The following MBD3L1 variants were observed in gnomAD, a reference collection of about 807,000 sequenced individuals.
The protein encoded by MBD3L1 is methyl-CpG-binding domain protein 3-like 1.
For synonymous variants in MBD3L1, 84 were observed against 85.1 expected, an observed-to-expected ratio of 0.99 and a Z score of 0.07; for missense variants, 203 against 230.1, an observed-to-expected ratio of 0.88 and a Z score of 0.76.
intron 1 of MBD3L1, among the ~76,000 whole-genome samples, chr19:8,838,280 A>AAAAAAAAAAAAAAAAAAAAAAAC (rs2044476061): frequency 6.7e-6 from 1 of 148,764 alleles, no homozygotes; most frequent in Admixed American, 6.7e-5. Flanking sequence ...AAAAAAAAAA[A>AAAAAAAAAAAAAAAAAAAAAAAC]AAAGATCAGC....
Position 8,832,901 on chromosome 19 carries a change from G to A in MBD3L1, c.-107+379G>A, listed in dbSNP as rs889128736. On this transcript the variant is annotated intron_variant, in intron 1 of 2. Coordinates refer to ENST00000595891, the MANE Select transcript of MBD3L1 (RefSeq NM_001393532.1). ...GGGCCGGGCGGAGGGCGGGGACTAG[G>A]CTGTGGGTGTACCGGTCTTGGAGGG... Among the ~76,000 whole-genome samples, 14 of 152,052 alleles carry A rather than the reference G, an allele frequency of 9.2e-5. 1 individual carries two copies. The highest frequency in any genetic ancestry group is 3.4e-4 in the African/African-American group (14 of 41,474).
intron 1 of MBD3L1, among the ~76,000 whole-genome samples, chr19:8,836,033 A>G (rs964542491): frequency 6.6e-6 from 1 of 152,224 alleles, no homozygotes; most frequent in African/African-American, 2.4e-5. Flanking sequence ...GGGTAATGGT[A>G]TGGATTTCAT....
chr19:8,840,076 TG>T (rs1024042992), intron 1 of MBD3L1, among the ~76,000 whole-genome samples: 4 of 150,384 alleles, frequency 2.7e-5, no homozygotes, highest in African/African-American at 9.8e-5. Context: ...CCCAGCTACT[TG>T]GGAGGCTGAG....
At chr19:8,841,353 C>T (rs891723381) in intron 2 of MBD3L1, among the ~76,000 whole-genome samples, 10 of 151,724 alleles carry the variant, frequency 6.6e-5, no homozygotes, top group African/African-American at 1.9e-4. Flanking sequence ...ATATTGAGGT[C>T]GCAGACCACA....
At chr19:8,835,676 T>C (rs2044447828) in intron 1 of MBD3L1, among the ~76,000 whole-genome samples, 1 of 124,838 alleles carries the variant, frequency 8.0e-6, no homozygotes, top group African/African-American at 2.8e-5. Context: ...ATTTCCAGTA[T>C]ATGCCCAAGA....
intron 1 of MBD3L1, among the ~76,000 whole-genome samples, chr19:8,839,094 CT>C (rs1368775408): frequency 6.6e-6 from 1 of 151,818 alleles, no homozygotes; most frequent in Non-Finnish European, 1.5e-5. Context: ...CCAGTTCGTA[CT>C]TTCCACTGAT....
At chr19:8,835,583 T>C (rs935434685) in intron 1 of MBD3L1, among the ~76,000 whole-genome samples, 12 of 152,202 alleles carry the variant, frequency 7.9e-5, no homozygotes, top group African/African-American at 2.9e-4. Context: ...GCTGTCAGGA[T>C]TGTAAAATGG....
At chr19:8,838,065 GGT>G (rs1427941365) in intron 1 of MBD3L1, among the ~76,000 whole-genome samples, 1 of 151,458 alleles carries the variant, frequency 6.6e-6, no homozygotes, top group African/African-American at 2.4e-5. Context: ...TGGATAACAT[GGT>G]GAAACCCCGT....
At chr19:8,841,218 GA>G (rs2044509331) in intron 2 of MBD3L1, among the ~76,000 whole-genome samples, 1 of 149,572 alleles carries the variant, frequency 6.7e-6, no homozygotes, top group Admixed American at 6.7e-5. Context: ...TTTTGGTAGA[GA>G]TGGGGTTTCA....
chr19:8,835,365 AAG>A (rs1353843796), intron 1 of MBD3L1, among the ~76,000 whole-genome samples: 1 of 152,126 alleles, frequency 6.6e-6, no homozygotes, highest in East Asian at 1.9e-4. Context: ...AAAATGAACA[AAG>A]AGTTCGAATC....
intron 1 of MBD3L1, among the ~76,000 whole-genome samples, chr19:8,833,754 C>T (rs185727305): frequency 1.8e-3 from 280 of 152,140 alleles, no homozygotes; most frequent in Non-Finnish European, 3.3e-3. Flanking sequence ...TTTGGGAGGC[C>T]GAGGCAGGCA....
intron 1 of MBD3L1, among the ~76,000 whole-genome samples, chr19:8,834,585 G>A (rs1408144875): frequency 7.6e-6 from 1 of 130,922 alleles, no homozygotes; most frequent in Non-Finnish European, 1.6e-5. Context: ...TCCAGCCTGA[G>A]AACAGAGCGA....
intron 2 of MBD3L1, among the ~76,000 whole-genome samples, chr19:8,842,316 GACA>G (rs2044521395): frequency 2.3e-5 from 1 of 44,042 alleles, no homozygotes; most frequent in African/African-American, 1.4e-4. Context: ...GACGGAGTGG[GACA>G]AAAAAAAAAA....
intron 1 of MBD3L1, among the ~76,000 whole-genome samples, chr19:8,836,619 G>A (rs1014738627): frequency 6.6e-5 from 10 of 152,022 alleles, no homozygotes; most frequent in Non-Finnish European, 1.3e-4. Context: ...AGCTTCCCGA[G>A]TAGCTGGGAC....
At chr19:8,842,531 G>A in intron 2 of MBD3L1, 127 bp from the exon 3 acceptor site, 1 of 647,918 alleles carries the variant, frequency 1.5e-6, no homozygotes. Context: ...GATGTCCCAG[G>A]AAGCAGGTCA....
chr19:8,839,960 G>A (rs2044494537), intron 1 of MBD3L1, among the ~76,000 whole-genome samples: 2 of 152,092 alleles, frequency 1.3e-5, no homozygotes, highest in South Asian at 4.2e-4. Flanking sequence ...GAGGCGGGCA[G>A]ATCATGAGGT....
Position 8,843,201 on chromosome 19 carries a change from G to A in MBD3L1, c.523G>A (p.Asp175Asn). 6.2e-7 allele frequency: 1 copy of A among 1,612,452 alleles called. No homozygotes were observed. The stretch of plus-strand genomic sequence containing the variant: ...GAGACTCGCAATAGCACTGATTGCG[G>A]ATGGACTCGCTAATGAGGCAGAGAA... ...RERLAIALIA[D>N]GLANEAEKVR... The change falls in exon 3 of 3, where the codon GAT becomes AAT. Residue 175 changes from aspartate to asparagine, a missense_variant. Physicochemically the swap from Asp to Asn is conservative, Grantham distance 23. Transcript: ENST00000595891.
In MBD3L1 at chr19:8,832,518, C is replaced by G. The variant is rs1015293976; in HGVS notation, c.-111C>G. 1.3e-5 allele frequency: 2 copies of G among 152,228 alleles called. No homozygotes were observed. The highest frequency in any genetic ancestry group is 4.9e-5 in the African/African-American group (2 of 41,168). 9.4% of individuals were successfully genotyped at this position (152,228 alleles called of 1,614,324 possible). ...GTTGGGCCCTGGCCTGGGGCAGTAGCGGGGGTAAGGTTGGCCCTGGGGGCG... is the reference window on the plus strand; with the variant it reads ...GTTGGGCCCTGGCCTGGGGCAGTAGGGGGGGTAAGGTTGGCCCTGGGGGCG... On this transcript the variant is annotated 5_prime_UTR_variant, in exon 1 of 3. Coordinates refer to ENST00000595891, the MANE Select transcript of MBD3L1 (RefSeq NM_001393532.1).
At chr19:8,838,282 A>AAAAAAAAAAAAAAAAAAAC (rs2044476224) in intron 1 of MBD3L1, among the ~76,000 whole-genome samples, 1 of 148,854 alleles carries the variant, frequency 6.7e-6, no homozygotes, top group Non-Finnish European at 1.5e-5. Flanking sequence ...AAAAAAAAAA[A>AAAAAAAAAAAAAAAAAAAC]AGATCAGCAG....
Sources: allele counts gnomAD v4.1 joint callset (sites outside exome capture counted in the v4.1 genomes callset), GRCh38; gene constraint gnomAD v4.1.1; transcripts MANE v1.5; gene names NCBI Gene and HGNC (gene_info 2026-07-23, HGNC 2026-07-21).